FBXL7: variants seen among roughly 807,000 people sequenced by gnomAD.
The protein encoded by FBXL7 is F-box and leucine rich repeat protein 7.
In FBXL7, 12 loss-of-function variants were observed where a neutral mutation model predicts 38.3. That is an observed-to-expected ratio of 0.31 (90% CI 0.20 to 0.51). The LOEUF (loss-of-function observed/expected upper bound fraction) is 0.51. FBXL7 is among the 20% of genes least tolerant of loss of function. FBXL7 has a pLI of 0.98. For synonymous variants in FBXL7, 297 were observed against 300.9 expected (o/e 0.99, Z 0.13); for missense variants, 567 against 676.4 (o/e 0.84, Z 1.79).
intron 1 of FBXL7, among the ~76,000 whole-genome samples, chr5:15,589,392 T>G (rs1292992777): frequency 2.7e-4 from 41 of 152,104 alleles, no homozygotes. Flanking sequence ...TAAAAGTATG[T>G]AGTGCCTCCT....
At chr5:15,660,332 A>G (rs1742018404) in intron 2 of FBXL7, among the ~76,000 whole-genome samples, 1 of 152,186 alleles carries the variant, frequency 6.6e-6, no homozygotes, top group Admixed American at 6.6e-5. Context: ...CTCTTGGGAG[A>G]AAAAAAGGCC....
chr5:15,669,130 G>T (rs894864534), intron 2 of FBXL7, among the ~76,000 whole-genome samples: 1 of 152,154 alleles, frequency 6.6e-6, no homozygotes, highest in East Asian at 1.9e-4. Flanking sequence ...CAGTGTTCAC[G>T]CTCGAATTTG....
rs145468488 is a variant in FBXL7 at position 15,607,908 on chromosome 5, C to T, written c.38-8075C>T. Among the ~76,000 whole-genome samples, 301 of 152,240 alleles carry T rather than the reference C, an allele frequency of 2.0e-3. 1 individual carries two copies. The highest frequency in any genetic ancestry group is 3.3e-3 in the Non-Finnish European group (224 of 68,012). On this transcript the variant is annotated intron_variant, in intron 1 of 3. Coordinates refer to ENST00000504595, the MANE Select transcript of FBXL7 (RefSeq NM_012304.5). ...TTCCTTTGGGCCTTTGGCCCACTTGCGAGGAAATTAAAGAAGGCACAAAAT... is the reference window on the plus strand; with the variant it reads ...TTCCTTTGGGCCTTTGGCCCACTTGTGAGGAAATTAAAGAAGGCACAAAAT...
At chr5:15,655,112 G>A (rs2126575785) in intron 2 of FBXL7, among the ~76,000 whole-genome samples, 1 of 152,306 alleles carries the variant, frequency 6.6e-6, no homozygotes, top group East Asian at 1.9e-4. Flanking sequence ...TCTTAGTCTA[G>A]CACATTTGAA....
intron 2 of FBXL7, among the ~76,000 whole-genome samples, chr5:15,902,814 T>G (rs984320903): frequency 6.6e-6 from 1 of 152,238 alleles, no homozygotes; most frequent in African/African-American, 2.4e-5. Context: ...TCGGGGTGGA[T>G]TCAGTATTTT....
At chr5:15,740,452 T>A (rs1735866486) in intron 2 of FBXL7, among the ~76,000 whole-genome samples, 1 of 152,166 alleles carries the variant, frequency 6.6e-6, no homozygotes, top group South Asian at 2.1e-4. Context: ...GATCTTCCAT[T>A]TATAATATAT....
At chr5:15,513,627 C>T (rs1736858904) in intron 1 of FBXL7, among the ~76,000 whole-genome samples, 1 of 152,224 alleles carries the variant, frequency 6.6e-6, no homozygotes, top group Non-Finnish European at 1.5e-5. Flanking sequence ...GGGGATTTTA[C>T]TCTGCATGAC....
intron 2 of FBXL7, among the ~76,000 whole-genome samples, chr5:15,756,312 A>T (rs929093762): frequency 1.3e-5 from 2 of 152,142 alleles, no homozygotes; most frequent in Non-Finnish European, 2.9e-5. Flanking sequence ...GCTAAGAAAA[A>T]TGTTTTTACT....
intron 2 of FBXL7, among the ~76,000 whole-genome samples, chr5:15,916,119 A>T (rs567925176): frequency 6.6e-6 from 1 of 152,190 alleles, no homozygotes; most frequent in African/African-American, 2.4e-5. Flanking sequence ...TGATACATCA[A>T]ATACACTTGT....
intron 1 of FBXL7, among the ~76,000 whole-genome samples, chr5:15,528,879 T>G (rs1737331929): frequency 1.3e-5 from 2 of 152,232 alleles, no homozygotes; most frequent in Admixed American, 6.5e-5. Context: ...AGTTGTGGAA[T>G]AGCTAAATCA....
chr5:15,854,070 C>T (rs1739182667), intron 2 of FBXL7, among the ~76,000 whole-genome samples: 1 of 152,142 alleles, frequency 6.6e-6, no homozygotes. Flanking sequence ...TGGGAGTTTC[C>T]TTACTCTGAT....
chr5:15,669,403 C>T (rs989993882), intron 2 of FBXL7, among the ~76,000 whole-genome samples: 12 of 152,224 alleles, frequency 7.9e-5, no homozygotes, highest in African/African-American at 2.9e-4. Flanking sequence ...GTGCTCTGAC[C>T]CAACAGTGCA....
chr5:15,865,449 G>C (rs543156299), intron 2 of FBXL7, among the ~76,000 whole-genome samples: 1 of 152,302 alleles, frequency 6.6e-6, no homozygotes, highest in East Asian at 1.9e-4. Context: ...TATATGTCAG[G>C]AGGATCTAGA....
At chr5:15,835,475 G>GTT (rs991351236) in intron 2 of FBXL7, among the ~76,000 whole-genome samples, 1 of 152,192 alleles carries the variant, frequency 6.6e-6, no homozygotes, top group Admixed American at 6.6e-5. Context: ...TTAGAATCAT[G>GTT]TTTAGAAAGG....
intron 2 of FBXL7, among the ~76,000 whole-genome samples, chr5:15,694,646 A>G (rs1743277628): frequency 6.6e-6 from 1 of 152,180 alleles, no homozygotes; most frequent in African/African-American, 2.4e-5. Context: ...AATATAAGCT[A>G]TTCTGTCATT....
chr5:15,883,442 G>A (rs1447789163), intron 2 of FBXL7, among the ~76,000 whole-genome samples: 1 of 152,080 alleles, frequency 6.6e-6, no homozygotes, highest in Non-Finnish European at 1.5e-5. Flanking sequence ...CACCAAACTA[G>A]ATTTCCCACA....
intron 2 of FBXL7, among the ~76,000 whole-genome samples, chr5:15,927,641 G>A (rs1741911071): frequency 6.6e-6 from 1 of 151,828 alleles, no homozygotes; most frequent in Non-Finnish European, 1.5e-5. Flanking sequence ...CGGCCGTGGT[G>A]GCGCATGCCT....
At chr5:15,640,614 C>T (rs1239985942) in intron 2 of FBXL7, among the ~76,000 whole-genome samples, 2 of 151,674 alleles carry the variant, frequency 1.3e-5, no homozygotes, top group African/African-American at 4.8e-5. Context: ...TCCTCCACCT[C>T]CTGTGTTCAA....
chr5:15,794,849 C>T (rs908742118), intron 2 of FBXL7, among the ~76,000 whole-genome samples: 1 of 152,120 alleles, frequency 6.6e-6, no homozygotes, highest in Non-Finnish European at 1.5e-5. Context: ...GCGAAAAAAA[C>T]AACACAAAAG....
Sources: allele counts gnomAD v4.1 joint callset (sites outside exome capture counted in the v4.1 genomes callset), GRCh38; gene constraint gnomAD v4.1.1; transcripts MANE v1.5; gene names NCBI Gene and HGNC (gene_info 2026-07-23, HGNC 2026-07-21).